Variants in ZNF277 observed in about 807,000 individuals in gnomAD.
ZNF277 encodes the protein zinc finger protein 277.
In ZNF277, 55 loss-of-function variants were observed where a neutral mutation model predicts 60.7. That is an observed-to-expected ratio of 0.91 (90% CI 0.73 to 1.13). ZNF277 has a LOEUF of 1.13. Ranked by LOEUF, ZNF277 falls within the 50% of genes most tolerant of loss-of-function variation. ZNF277 has a pLI of 0.00. For synonymous variants in ZNF277, 178 were observed against 179.3 expected (o/e 0.99, Z 0.06); for missense variants, 510 against 523.0 (o/e 0.98, Z 0.24).
intron 4 of ZNF277, among the ~76,000 whole-genome samples, chr7:112,299,078 G>A (rs1403103300): frequency 6.6e-6 from 1 of 152,072 alleles, no homozygotes; most frequent in East Asian, 1.9e-4. Flanking sequence ...TCTGATTAGA[G>A]GATCAACAAA....
At chr7:112,329,149 T>A (rs1793169430) in intron 6 of ZNF277, among the ~76,000 whole-genome samples, 1 of 152,124 alleles carries the variant, frequency 6.6e-6, no homozygotes, top group Non-Finnish European at 1.5e-5. Context: ...CATAAGAAAT[T>A]GATGAAAAGG....
chr7:112,334,669 T>A (rs988178957), intron 7 of ZNF277, among the ~76,000 whole-genome samples: 6 of 152,214 alleles, frequency 3.9e-5, no homozygotes, highest in African/African-American at 1.4e-4. Flanking sequence ...CAGTGAAAGA[T>A]ATTTTTTGTA....
At chr7:112,265,552 G>A (rs1311652550) in intron 1 of ZNF277, among the ~76,000 whole-genome samples, 2 of 152,144 alleles carry the variant, frequency 1.3e-5, no homozygotes, top group African/African-American at 4.8e-5. Context: ...AAATTTGACA[G>A]AGAGATACAA....
chr7:112,208,564 G>A (rs1821641134), intron 1 of ZNF277, among the ~76,000 whole-genome samples: 1 of 147,928 alleles, frequency 6.8e-6, no homozygotes, highest in Admixed American at 6.7e-5. Flanking sequence ...TAAGAGTTTG[G>A]TACATATTCT....
intron 1 of ZNF277, among the ~76,000 whole-genome samples, chr7:112,207,153 C>T (rs1054748043): frequency 1.3e-5 from 2 of 152,174 alleles, no homozygotes; most frequent in South Asian, 4.1e-4. Context: ...GGTTCGCGCG[C>T]GTGTGTTTAT....
intron 1 of ZNF277, among the ~76,000 whole-genome samples, chr7:112,213,771 C>T (rs1821813400): frequency 6.6e-6 from 1 of 152,174 alleles, no homozygotes; most frequent in Admixed American, 6.5e-5. Context: ...CATAAATATG[C>T]TCTAAAGCCA....
At chr7:112,293,017 G>T in intron 2 of ZNF277, among the ~76,000 whole-genome samples, 1 of 152,032 alleles carries the variant, frequency 6.6e-6, no homozygotes, top group East Asian at 1.9e-4. Flanking sequence ...TTTGGACAGC[G>T]TGCTTTACAT....
intron 1 of ZNF277, among the ~76,000 whole-genome samples, chr7:112,247,967 CAAA>C (rs10717200): frequency 2.8e-5 from 4 of 144,552 alleles, no homozygotes; most frequent in African/African-American, 2.6e-5. Context: ...AACTCCATCT[CAAA>C]AAAAAAAAAA....
chr7:112,322,783 T>G (rs774745896), intron 5 of ZNF277, among the ~76,000 whole-genome samples: 49 of 152,236 alleles, frequency 3.2e-4, no homozygotes, highest in Non-Finnish European at 6.0e-4. Flanking sequence ...TCTTATTTCT[T>G]TGTATGTCTT....
chr7:112,322,449 C>G (rs1262280060), intron 5 of ZNF277, among the ~76,000 whole-genome samples: 2 of 151,954 alleles, frequency 1.3e-5, no homozygotes, highest in East Asian at 3.9e-4. Flanking sequence ...TTGAGCCCCT[C>G]TAGTCAATTT....
chr7:112,309,874 C>A (rs1288715576), intron 4 of ZNF277, among the ~76,000 whole-genome samples: 1 of 151,948 alleles, frequency 6.6e-6, no homozygotes, highest in Non-Finnish European at 1.5e-5. Flanking sequence ...ACAGTGCAGT[C>A]ATAGCAATAG....
At chr7:112,291,875 T>C (rs1221548808) in intron 2 of ZNF277, among the ~76,000 whole-genome samples, 1 of 152,210 alleles carries the variant, frequency 6.6e-6, no homozygotes, top group Non-Finnish European at 1.5e-5. Flanking sequence ...TGATGCCTAA[T>C]TTTATATGTT....
intron 4 of ZNF277, among the ~76,000 whole-genome samples, chr7:112,308,240 G>T (rs1466996670): frequency 6.6e-6 from 1 of 152,010 alleles, no homozygotes; most frequent in African/African-American, 2.4e-5. Flanking sequence ...CCATGGCTGG[G>T]TGCGGTGGCT....
chr7:112,279,391 C>A (rs2117050066), intron 1 of ZNF277, among the ~76,000 whole-genome samples: 1 of 152,194 alleles, frequency 6.6e-6, no homozygotes, highest in African/African-American at 2.4e-5. Flanking sequence ...TTAGTAATAG[C>A]CATCTTAGGA....
intron 1 of ZNF277, among the ~76,000 whole-genome samples, chr7:112,231,790 G>A (rs565074539): frequency 1.1e-3 from 173 of 151,894 alleles, no homozygotes; most frequent in African/African-American, 4.0e-3. Flanking sequence ...CACAACCACG[G>A]AACTTTGTTA....
Position 112,341,016 on chromosome 7 carries a change from TC to T in ZNF277, c.1158del (p.Asp387IlefsTer31). On this transcript the variant is annotated frameshift_variant, in exon 11 of 12. Coordinates refer to ENST00000361822, the MANE Select transcript of ZNF277 (RefSeq NM_021994.3). LOFTEE classifies it high-confidence loss of function. ...HMEETKHTSL[L>X]PDRKTWDQLE... is the part of the protein sequence containing the mutation. Reference sequence around the variant, plus strand: ...GAAGAAACTAAACACACTTCGCTGCTCCCCGATAGAAAGACGTGGGATCAAC... The same window carrying T: ...GAAGAAACTAAACACACTTCGCTGCTCCCGATAGAAAGACGTGGGATCAAC... 6.2e-7 allele frequency: 1 copy of T among 1,600,746 alleles called. No homozygotes were observed. Among genetic ancestry groups the T allele is most frequent in the Non-Finnish European group, 8.5e-7 (1 of 1,175,084 alleles).
chr7:112,245,094 CTTCTT>C, intron 1 of ZNF277, among the ~76,000 whole-genome samples: 1 of 152,274 alleles, frequency 6.6e-6, no homozygotes, highest in East Asian at 1.9e-4. Context: ...CACATCTACT[CTTCTT>C]TTCTAGCCTT....
At chr7:112,258,763 A>G (rs766494156) in intron 1 of ZNF277, among the ~76,000 whole-genome samples, 87 of 152,182 alleles carry the variant, frequency 5.7e-4, no homozygotes, top group Non-Finnish European at 1.2e-3. Flanking sequence ...GCATTTATAT[A>G]TAAACTTCTA....
At chr7:112,239,786 A>G (rs1790899670) in intron 1 of ZNF277, among the ~76,000 whole-genome samples, 1 of 152,200 alleles carries the variant, frequency 6.6e-6, no homozygotes, top group Non-Finnish European at 1.5e-5. Flanking sequence ...ATAGTATAAA[A>G]CCATAATCAT....
Sources: allele counts gnomAD v4.1 joint callset (sites outside exome capture counted in the v4.1 genomes callset), GRCh38; gene constraint gnomAD v4.1.1; transcripts MANE v1.5; gene names NCBI Gene and HGNC (gene_info 2026-07-23, HGNC 2026-07-21).